UTP20: variants seen among roughly 807,000 people sequenced by gnomAD.
UTP20 encodes the protein UTP20 small subunit processome component.
UTP20 carries 164 observed loss-of-function variants against 329.5 expected under a neutral mutation model. The observed-to-expected ratio is 0.50, with a 90% CI of 0.44 to 0.57. The LOEUF (loss-of-function observed/expected upper bound fraction) is 0.57, where lower values mean the gene tolerates loss of function less well. UTP20 is among the 20% of genes least tolerant of loss of function. The pLI is 0.00. For synonymous variants in UTP20, 1,151 were observed against 1,159.3 expected (o/e 0.99, Z 0.14); for missense variants, 3,055 against 3,284.2 (o/e 0.93, Z 1.71).
At chr12:101,378,004 T>C (rs2121052402) in intron 56 of UTP20, among the ~76,000 whole-genome samples, 1 of 152,258 alleles carries the variant, frequency 6.6e-6, no homozygotes, top group East Asian at 1.9e-4. Context: ...TGCAGATTGC[T>C]TAAGCTCAGG....
intron 54 of UTP20, among the ~76,000 whole-genome samples, chr12:101,374,603 T>G (rs904344406): frequency 3.3e-5 from 5 of 152,236 alleles, no homozygotes; most frequent in Admixed American, 3.3e-4. Flanking sequence ...TGCCTCTTTT[T>G]AAAATGTTAT....
At chr12:101,380,615 C>A (rs1870612752) in intron 57 of UTP20, among the ~76,000 whole-genome samples, 1 of 151,962 alleles carries the variant, frequency 6.6e-6, no homozygotes, top group South Asian at 2.1e-4. Flanking sequence ...GTAATCCCAA[C>A]ACATTGGGAG....
At chr12:101,281,877 G>A (rs150157632) in intron 2 of UTP20, among the ~76,000 whole-genome samples, 375 of 152,028 alleles carry the variant, frequency 2.5e-3, no homozygotes, top group Middle Eastern at 6.8e-3. Context: ...GCTAATTTTT[G>A]CATTTTTAGT....
rs867454138 is a variant in UTP20 at position 101,352,828 on chromosome 12, T to A, written c.5025-219T>A. Among the ~76,000 whole-genome samples, 31 of 150,472 alleles carry A rather than the reference T, an allele frequency of 2.1e-4. No homozygotes were observed. In the South Asian group the frequency reaches 2.1e-3, roughly 10 times the overall value. The stretch of plus-strand genomic sequence containing the variant: ...AAGTATAATAATAAATAAATAAATT[T>A]AAAAAAAAGTAATTTAAAAAATATT... On this transcript the variant is annotated intron_variant, in intron 39 of 61. Transcript: ENST00000261637.
chr12:101,367,986 G>T lies in UTP20; in HGVS notation c.6384+10G>T, dbSNP rs753665414. On this transcript the variant is annotated intron_variant, in intron 48 of 61. Coordinates refer to ENST00000261637, the MANE Select transcript of UTP20 (RefSeq NM_014503.3). Reference sequence around the variant, plus strand: ...CTCCATGGATGTGAAGGTAAGCATCGGTTTGCACTCTGCATTGGAGCATTT... The same window carrying T: ...CTCCATGGATGTGAAGGTAAGCATCTGTTTGCACTCTGCATTGGAGCATTT... 3.9e-6 allele frequency: 6 copies of T among 1,557,804 alleles called. No individual in the cohort carries two copies. Among genetic ancestry groups the T allele is most frequent in the Non-Finnish European group, 5.3e-6 (6 of 1,128,996 alleles).
chr12:101,356,940 T>G lies in UTP20; in HGVS notation c.5549T>G (p.Val1850Gly), dbSNP rs773676126. 2 of 1,609,068 alleles carry G rather than the reference T, an allele frequency of 1.2e-6. No individual in the cohort carries two copies. Among genetic ancestry groups the G allele is most frequent in the Admixed American group, 3.4e-5 (2 of 58,402 alleles). ...TCATTTTCTAGTATTTTGCTGAAAG[T>G]GTGTGCCCTACTCAAGAACAGAGCC... Reference protein sequence around the residue: ...EANLPSILLKVCALLKNRAQE... With the variant: ...EANLPSILLKGCALLKNRAQE... The change falls in exon 43 of 62, where the codon GTG becomes GGG. Residue 1850 changes from valine to glycine, a missense_variant. This residue lies in a region of UTP20 where 2,445 missense variants were observed against 2,575.5 expected (regional missense o/e 0.95). Coordinates refer to ENST00000261637, the MANE Select transcript of UTP20 (RefSeq NM_014503.3).
chr12:101,290,878 A>G lies in UTP20; in HGVS notation c.881A>G (p.Glu294Gly). Reference sequence around the variant, plus strand: ...AAGGAACATTTTGGTACATTTTTTGAATGTTTGCAAGTGAGTTCTAATCTT... The same window carrying G: ...AAGGAACATTTTGGTACATTTTTTGGATGTTTGCAAGTGAGTTCTAATCTT... The part of the protein sequence containing the change: ...ISKEHFGTFF[E>G]CLQESLLDLH... Residue 294 changes from glutamate (E) to glycine (G), a missense_variant, in exon 8 of 62, where the codon GAA becomes GGA. Glu to Gly is a moderately conservative substitution (Grantham distance 98). This residue lies in a region of UTP20 where 2,445 missense variants were observed against 2,575.5 expected (regional missense o/e 0.95). Transcript: ENST00000261637. 1 of 1,612,452 alleles carries G rather than the reference A, an allele frequency of 6.2e-7. No individual in the cohort carries two copies. Among genetic ancestry groups the G allele is most frequent in the Non-Finnish European group, 8.5e-7 (1 of 1,179,552 alleles).
rs1872314347 is a variant in UTP20, at chr12:101,295,407, G to A, written c.1252-73G>A. Reference sequence around the variant, plus strand: ...TTCTTGATCCTTTGTTTTTGGTCTAGTTTTTTGAATTGTTAGCATCTTCTC... The same window carrying A: ...TTCTTGATCCTTTGTTTTTGGTCTAATTTTTTGAATTGTTAGCATCTTCTC... On this transcript the variant is annotated intron_variant, in intron 11 of 61. Coordinates refer to ENST00000261637, the MANE Select transcript of UTP20 (RefSeq NM_014503.3). The A allele has an allele frequency of 5.8e-6, 8 of 1,377,356 alleles. No homozygotes were observed. The South Asian group carries it at 1.1e-4, about 18-fold the overall frequency. The allele number at this position is 1,377,356 out of a possible 1,614,324, so 85.3% of individuals were successfully genotyped here.
Position 101,288,979 on chromosome 12 carries a change from G to A in UTP20, c.535G>A (p.Ala179Thr), listed in dbSNP as rs1336075160. The A allele has an allele frequency of 3.7e-6, 6 of 1,613,764 alleles. No homozygotes were observed. Among genetic ancestry groups the A allele is most frequent in the Non-Finnish European group, 5.1e-6 (6 of 1,179,880 alleles). Reference protein sequence around the residue: ...SIYSMYSTLLAHKKLHIRNFA... With the variant: ...SIYSMYSTLLTHKKLHIRNFA... ...GTATAGCATGTACAGCACACTCCTG[G>A]CTCATAAAAAACTACATATAAGAAA... Residue 179 changes from alanine to threonine, a missense_variant, in exon 6 of 62, where the codon GCT becomes ACT. Physicochemically the swap from Ala to Thr is moderately conservative, Grantham distance 58. Around this residue, in one of 3 missense-constraint regions of UTP20, gnomAD observed 2,445 missense variants for 2,575.5 expected, o/e 0.95. Coordinates refer to ENST00000261637, the MANE Select transcript of UTP20 (RefSeq NM_014503.3).
Position 101,292,082 on chromosome 12 carries a change from T to C in UTP20, c.1151T>C (p.Leu384Pro). The change falls in exon 10 of 62, where the codon CTC becomes CCC. Residue 384 changes from leucine (L) to proline (P), a missense_variant. This residue lies in a region of UTP20 where 2,445 missense variants were observed against 2,575.5 expected (regional missense o/e 0.95). Coordinates refer to ENST00000261637, the MANE Select transcript of UTP20 (RefSeq NM_014503.3). The part of the protein sequence containing the change: ...LGENVSLPET[L>P]IKETIEKIFE... Reference sequence around the variant, plus strand: ...GAAAATGTTTCCTTGCCGGAGACCCTCATCAAAGAAACCATAGAAAAAGTA... The same window carrying C: ...GAAAATGTTTCCTTGCCGGAGACCCCCATCAAAGAAACCATAGAAAAAGTA... 6.2e-7 allele frequency: 1 copy of C among 1,613,260 alleles called. No individual in the cohort carries two copies. The highest frequency in any genetic ancestry group is 1.1e-5 in the South Asian group (1 of 90,758).
At chr12:101,304,542 A>C (rs944112499) in intron 15 of UTP20, among the ~76,000 whole-genome samples, 1 of 152,160 alleles carries the variant, frequency 6.6e-6, no homozygotes, top group Non-Finnish European at 1.5e-5. Context: ...TGCTGCTTCT[A>C]AGTATAGGAC....
At chr12:101,314,740 A>G (rs1474492094) in intron 21 of UTP20, among the ~76,000 whole-genome samples, 1 of 152,066 alleles carries the variant, frequency 6.6e-6, no homozygotes, top group East Asian at 1.9e-4. Context: ...AAAAAGAAAC[A>G]GACATAGGGA....
chr12:101,310,512 C>T (rs12317044), intron 19 of UTP20, among the ~76,000 whole-genome samples: 84,575 of 146,596 alleles, frequency 0.58, 26,855 homozygotes, highest in East Asian at 0.94. Context: ...GAGGTGGAGG[C>T]TGTGGTGAGC....
chr12:101,327,234 G>A lies in UTP20; in HGVS notation c.3195G>A (p.Arg1065=), dbSNP rs781550039. ...TAGACCTGCTGTTTGAACCTGTGAG[G>A]CATTTCAAGAATGGTAACTATCAGC... The part of the protein sequence containing the change: ...IFLDLLFEPV[R]HFKNGECHSA... Residue 1065 remains arginine, a synonymous_variant, in exon 26 of 62, where the codon AGG becomes AGA. Coordinates refer to ENST00000261637, the MANE Select transcript of UTP20 (RefSeq NM_014503.3). 2.5e-6 allele frequency: 4 copies of A among 1,592,792 alleles called. No homozygotes were observed. The highest frequency in any genetic ancestry group is 3.4e-6 in the Non-Finnish European group (4 of 1,163,654).
rs1006467136 is a variant in UTP20 at position 101,383,258 on chromosome 12, A to G, written c.7874A>G (p.Lys2625Arg). 1.4e-5 allele frequency: 23 copies of G among 1,614,096 alleles called. No individual in the cohort carries two copies. Among genetic ancestry groups the G allele is most frequent in the Non-Finnish European group, 1.9e-5 (23 of 1,180,050 alleles). ...RPATLLWLIQ[K>R]LSRIAKLEAA... is the part of the protein sequence containing the mutation. ...GCCACGCTGCTGTGGTTGATCCAGA[A>G]GCTGTCCCGGATTGCAAAACTGGAA... The change falls in exon 59 of 62, where the codon AAG (lysine) becomes AGG (arginine). Residue 2625 changes from lysine (K) to arginine (R), a missense_variant. Around this residue, in one of 3 missense-constraint regions of UTP20, gnomAD observed 337 missense variants for 345.5 expected, o/e 0.98. Transcript: ENST00000261637.
intron 2 of UTP20, among the ~76,000 whole-genome samples, chr12:101,283,929 A>G (rs945815864): frequency 2.0e-5 from 3 of 151,158 alleles, no homozygotes; most frequent in African/African-American, 7.3e-5. Flanking sequence ...GTTACATAGT[A>G]TCTATTCTGC....
intron 54 of UTP20, 47 bp downstream of exon 54, chr12:101,373,814 G>T: frequency 6.3e-7 from 1 of 1,576,196 alleles, no homozygotes; most frequent in Non-Finnish European, 8.6e-7. Context: ...CTTAGCTTTG[G>T]GGATCATAGT....
At chr12:101,304,073 C>T (rs2137245813) in intron 15 of UTP20, among the ~76,000 whole-genome samples, 1 of 152,306 alleles carries the variant, frequency 6.6e-6, no homozygotes, top group East Asian at 1.9e-4. Flanking sequence ...TGGGGAAGGC[C>T]AGCTTGCCTC....
chr12:101,326,979 C>T, intron 25 of UTP20, 102 bp from the exon 26 acceptor site: 5 of 1,079,212 alleles, frequency 4.6e-6, no homozygotes, highest in Non-Finnish European at 5.3e-6. Flanking sequence ...ATAATATATC[C>T]ATTTAAATCT....
Sources: allele counts gnomAD v4.1 joint callset (sites outside exome capture counted in the v4.1 genomes callset), GRCh38; gene constraint gnomAD v4.1.1; regional missense constraint gnomAD v4.1.1; transcripts MANE v1.5; gene names NCBI Gene and HGNC (gene_info 2026-07-23, HGNC 2026-07-21).